Variants in DPH6 observed in about 807,000 individuals in gnomAD.
The protein encoded by DPH6 is diphthamine biosynthesis 6, also known as diphthine--ammonia ligase.
A neutral mutation model predicts 38.2 loss-of-function variants in DPH6; 33 were observed. The observed-to-expected ratio is 0.86, with a 90% CI of 0.65 to 1.15. The LOEUF (loss-of-function observed/expected upper bound fraction) is 1.15, where lower values mean the gene tolerates loss of function less well. Ranked by LOEUF, DPH6 falls within the 50% of genes most tolerant of loss-of-function variation. DPH6 has a pLI of 0.00. For missense variants in DPH6, 325 were observed against 320.0 expected (o/e 1.02, Z -0.12); for synonymous variants, 108 against 103.0 (o/e 1.05, Z -0.30).
chr15:35,237,926 G>A (rs2051567159), intron 3 of DPH6: 1 of 1,388,950 alleles, frequency 7.2e-7, no homozygotes, highest in Non-Finnish European at 1.0e-6. Context: ...GGACGTGAGT[G>A]GAGAGGAGGA....
chr15:35,535,125 G>A (rs1314945082), intron 3 of DPH6, among the ~76,000 whole-genome samples: 2 of 152,090 alleles, frequency 1.3e-5, no homozygotes, highest in East Asian at 3.9e-4. Context: ...TTAGGGAAGC[G>A]ATGCAGGAGA....
At chr15:35,369,103 C>G (rs1054091368), downstream of DPH6, among the ~76,000 whole-genome samples, 6 of 151,742 alleles carry the variant, frequency 4.0e-5, no homozygotes, top group East Asian at 7.8e-4. Context: ...CAGACTAGTA[C>G]AGAGGCATAT....
intron 3 of DPH6, among the ~76,000 whole-genome samples, chr15:35,351,717 CTTCT>C (rs920141750): frequency 2.0e-5 from 3 of 148,416 alleles, no homozygotes; most frequent in African/African-American, 7.5e-5. Flanking sequence ...TGATGTCAGA[CTTCT>C]TTTTTTTTTT....
At chr15:35,498,540 A>G (rs1186283309) in intron 3 of DPH6, among the ~76,000 whole-genome samples, 1 of 151,500 alleles carries the variant, frequency 6.6e-6, no homozygotes, top group Non-Finnish European at 1.5e-5. Context: ...CATCCCACAC[A>G]CCTCCCCCAC....
chr15:35,153,022 A>G, the DPH6 span, among the ~76,000 whole-genome samples: 1 of 152,242 alleles, frequency 6.6e-6, no homozygotes, highest in Non-Finnish European at 1.5e-5. Flanking sequence ...CAGTTTTTGT[A>G]TGAAGCAAAG....
chr15:35,524,973 T>A (rs2054976540), intron 3 of DPH6, among the ~76,000 whole-genome samples: 1 of 152,116 alleles, frequency 6.6e-6, no homozygotes, highest in African/African-American at 2.4e-5. Context: ...ATCCTTCACA[T>A]CATCTCTGGA....
intron 3 of DPH6, among the ~76,000 whole-genome samples, chr15:35,275,580 T>A (rs1055209506): frequency 1.3e-5 from 2 of 151,978 alleles, no homozygotes; most frequent in Non-Finnish European, 2.9e-5. Flanking sequence ...AGGGAGACCA[T>A]TAGGACAAAT....
chr15:35,323,861 T>G (rs2052260809), intron 3 of DPH6, among the ~76,000 whole-genome samples: 1 of 152,234 alleles, frequency 6.6e-6, no homozygotes. Context: ...ATGACAAATT[T>G]CTACACTTAA....
intron 3 of DPH6, chr15:35,237,955 T>C (rs1383438656): frequency 2.3e-5 from 32 of 1,421,516 alleles, no homozygotes; most frequent in Non-Finnish European, 3.1e-5. Flanking sequence ...AAAAAGGTTA[T>C]AACGATGGAG....
chr15:35,264,401 C>A (rs190230942), intron 3 of DPH6, among the ~76,000 whole-genome samples: 1 of 152,114 alleles, frequency 6.6e-6, no homozygotes, highest in South Asian at 2.1e-4. Context: ...ATAGTCTCTA[C>A]GCTGATTTAC....
intron 3 of DPH6, among the ~76,000 whole-genome samples, chr15:35,261,034 C>A (rs576853378): frequency 1.1e-4 from 17 of 152,260 alleles, no homozygotes; most frequent in African/African-American, 4.1e-4. Context: ...TAAGGAAATT[C>A]CCGGAAGTCA....
intron 3 of DPH6, among the ~76,000 whole-genome samples, chr15:35,262,713 A>T (rs2051756866): frequency 2.2e-5 from 1 of 46,378 alleles, no homozygotes; most frequent in African/African-American, 3.3e-5. Flanking sequence ...CTCAAAAAAA[A>T]AAAAAAAAAA....
chr15:35,273,897 A>C (rs370937577), intron 3 of DPH6, among the ~76,000 whole-genome samples: 12 of 152,246 alleles, frequency 7.9e-5, no homozygotes, highest in East Asian at 7.7e-4. Context: ...AGAAGTAGAA[A>C]AAAACTACTT....
At chr15:35,294,914 G>C (rs1306826312) in intron 3 of DPH6, among the ~76,000 whole-genome samples, 1 of 152,202 alleles carries the variant, frequency 6.6e-6, no homozygotes, top group Non-Finnish European at 1.5e-5. Flanking sequence ...GATGAGATAT[G>C]TGCAAAGGTC....
At chr15:35,266,520 G>C (rs1352407714) in intron 3 of DPH6, among the ~76,000 whole-genome samples, 1 of 152,182 alleles carries the variant, frequency 6.6e-6, no homozygotes, top group Non-Finnish European at 1.5e-5. Flanking sequence ...ACTAGTTAGA[G>C]TTTGCACTGT....
At chr15:35,299,188 A>T (rs1199134113) in intron 3 of DPH6, 1 of 1,359,094 alleles carries the variant, frequency 7.4e-7, no homozygotes, top group Non-Finnish European at 1.0e-6. Context: ...CCTGCAGAAA[A>T]CCCACTGGGA....
chr15:35,512,952 T>A (rs1355931957), intron 3 of DPH6, among the ~76,000 whole-genome samples: 2 of 152,044 alleles, frequency 1.3e-5, no homozygotes, highest in Non-Finnish European at 2.9e-5. Flanking sequence ...TAAAATTAGG[T>A]TCTACCTAAT....
chr15:35,167,771 G>A, the DPH6 span, among the ~76,000 whole-genome samples: 6 of 152,092 alleles, frequency 3.9e-5, no homozygotes, highest in South Asian at 1.2e-3. Context: ...AACCTAAGAA[G>A]TCAACTTTCT....
Position 35,462,154 on chromosome 15 carries a change from T to C in DPH6, c.313-7334A>G, listed in dbSNP as rs558684758. On this transcript the variant is annotated intron_variant, in intron 3 of 8. Coordinates refer to ENST00000256538, the MANE Select transcript of DPH6 (RefSeq NM_080650.4). Reference sequence around the variant, plus strand: ...AAATATCCCAGATTCCAACCACTTCTCATCACCTCCACTACTACCACTCTA... The same window carrying C: ...AAATATCCCAGATTCCAACCACTTCCCATCACCTCCACTACTACCACTCTA... Among the ~76,000 whole-genome samples, 7 of 152,240 alleles carry C rather than the reference T, an allele frequency of 4.6e-5. No individual in the cohort carries two copies. The South Asian group carries it at 1.5e-3, about 32-fold the overall frequency.
Sources: gnomAD v4.1 joint callset for allele counts (sites outside exome capture counted in the v4.1 genomes callset) on GRCh38, gnomAD v4.1.1 for gene constraint, MANE v1.5 for transcripts, NCBI Gene and HGNC (gene_info 2026-07-23, HGNC 2026-07-21) for gene names.